Variants in PKN3 observed in about 807,000 individuals in gnomAD.
PKN3 encodes protein kinase N3, also known as serine/threonine-protein kinase N3.
Under a neutral mutation model 113.1 loss-of-function variants are expected in PKN3, and 91 were observed. The ratio of observed to expected loss-of-function variants is 0.80; its 90% confidence interval spans 0.68 to 0.96. PKN3 has a LOEUF of 0.96. Among genes scored for constraint, PKN3 ranks in the 40% least tolerant of loss-of-function variants. PKN3 has a pLI of 0.00. For missense variants in PKN3, 1,052 were observed against 1,202.2 expected (o/e 0.88, Z 1.85); for synonymous variants, 467 against 499.0 (o/e 0.94, Z 0.85).
chr9:128,718,034 CAAA>C (rs1183390774), intron 16 of PKN3, among the ~76,000 whole-genome samples: 1 of 123,916 alleles, frequency 8.1e-6, no homozygotes. Context: ...GACTCCGTCT[CAAA>C]AAAAAAAAAA....
intron 3 of PKN3, among the ~76,000 whole-genome samples, 197 bp from the exon 4 acceptor site, chr9:128,706,516 C>T (rs1177971726): frequency 1.3e-5 from 2 of 152,258 alleles, no homozygotes. Context: ...AATTTGACCC[C>T]AGCCCTTGTT....
chr9:128,706,119 G>A (rs1589476469), intron 3 of PKN3, among the ~76,000 whole-genome samples: 1 of 152,390 alleles, frequency 6.6e-6, no homozygotes, highest in East Asian at 1.9e-4. Context: ...CCAGCATGAT[G>A]TCCAGAACTG....
rs1862231321 is a variant in PKN3, at chr9:128,713,201, G to C, written c.982+3G>C. 1 of 1,607,934 alleles carries C rather than the reference G, an allele frequency of 6.2e-7. No homozygotes were observed. The highest frequency in any genetic ancestry group is 1.7e-5 in the Admixed American group (1 of 59,726). ...GCGTGGCCGAGGCGAGCTTGCCAGTGAGTAGGGAAGGAGCTTCAGGGGGAG... is the reference window on the plus strand; with the variant it reads ...GCGTGGCCGAGGCGAGCTTGCCAGTCAGTAGGGAAGGAGCTTCAGGGGGAG... On this transcript the variant is annotated splice_donor_region_variant and intron_variant, in intron 7 of 21. Transcript: ENST00000291906.
intron 6 of PKN3, among the ~76,000 whole-genome samples, chr9:128,709,253 T>C (rs1159018433): frequency 6.8e-6 from 1 of 146,580 alleles, no homozygotes; most frequent in Non-Finnish European, 1.5e-5. Context: ...ACCACTGCAC[T>C]CCAGCCTGGG....
chr9:128,714,306 T>G lies in PKN3; in HGVS notation c.1422T>G (p.Pro474=). The G allele has an allele frequency of 6.2e-7, 1 of 1,612,838 alleles. No homozygotes were observed. Among genetic ancestry groups the G allele is most frequent in the Non-Finnish European group, 8.5e-7 (1 of 1,179,450 alleles). The change falls in exon 11 of 22, where the codon CCT becomes CCG. Residue 474 remains proline (P), a synonymous_variant. Coordinates refer to ENST00000291906, the MANE Select transcript of PKN3 (RefSeq NM_013355.5). ...GCTCCCCGAGCACAATCAGCCCCCCTAAAGGATGCCCTCGGACCCCAACAA... is the reference window on the plus strand; with the variant it reads ...GCTCCCCGAGCACAATCAGCCCCCCGAAAGGATGCCCTCGGACCCCAACAA... ...PCSSPSTISP[P]KGCPRTPTTL...
intron 9 of PKN3, 68 bp from the exon 10 acceptor site, chr9:128,713,978 G>A (rs1862259099): frequency 2.0e-6 from 3 of 1,518,134 alleles, no homozygotes; most frequent in South Asian, 1.1e-5. Context: ...AATCCCAGGG[G>A]CAGAGGAGGT....
In PKN3 at chr9:128,706,991, C is replaced by G. The variant is rs768409176; in HGVS notation, c.619C>G (p.Arg207Gly). The change falls in exon 5 of 22, where the codon CGG becomes GGG. Residue 207 changes from arginine to glycine, a missense_variant. Physicochemically the swap from Arg to Gly is moderately radical, Grantham distance 125. This residue lies in a region of PKN3 where 719 missense variants were observed against 759.4 expected (regional missense o/e 0.95). Transcript: ENST00000291906. The stretch of plus-strand genomic sequence containing the variant: ...GAACGTGGTGAAACTGCTTAGTAGC[C>G]GGAGAACACAGGACCGCAAGGCACT... ...AKNVVKLLSSRRTQDRKALAE... is the reference protein window; with the variant it reads ...AKNVVKLLSSGRTQDRKALAE... The G allele has an allele frequency of 6.2e-7, 1 of 1,614,174 alleles. No individual in the cohort carries two copies.
chr9:128,704,682 G>A (rs960125544), intron 1 of PKN3, among the ~76,000 whole-genome samples: 4 of 152,138 alleles, frequency 2.6e-5, no homozygotes, highest in African/African-American at 7.2e-5. Context: ...CACTTTGGGA[G>A]GCCAAGGCAG....
At chr9:128,712,192 G>T (rs930702288) in intron 6 of PKN3, among the ~76,000 whole-genome samples, 4 of 152,194 alleles carry the variant, frequency 2.6e-5, no homozygotes, top group African/African-American at 9.7e-5. Flanking sequence ...TTACAGGCAT[G>T]AGCCACTGCG....
In PKN3 at chr9:128,705,519, C is replaced by A; in HGVS notation, c.241C>A (p.Pro81Thr). The A allele has an allele frequency of 6.4e-7, 1 of 1,557,124 alleles. No homozygotes were observed. The highest frequency in any genetic ancestry group is 2.4e-5 in the East Asian group (1 of 41,322). ...GGAGCTGCACGCCCGAATCCTGCTG[C>A]CCGGCCCTGGGCCTGGCCCAGCTGG... The part of the protein sequence containing the change: ...LRELHARILL[P>T]GPGPGPAEPV... The change falls in exon 2 of 22, where the codon CCC (proline) becomes ACC (threonine). Residue 81 changes from proline (P) to threonine (T), a missense_variant. Around this residue, in one of 2 missense-constraint regions of PKN3, gnomAD observed 719 missense variants for 759.4 expected, o/e 0.95. Coordinates refer to ENST00000291906, the MANE Select transcript of PKN3 (RefSeq NM_013355.5).
intron 11 of PKN3, 74 bp downstream of exon 11, chr9:128,714,439 G>A: frequency 7.6e-7 from 1 of 1,312,232 alleles, no homozygotes; most frequent in Non-Finnish European, 1.1e-6. Flanking sequence ...GGCGGTATCT[G>A]TCTGTCTGTC....
chr9:128,714,115 C>A lies in PKN3; in HGVS notation c.1306C>A (p.Arg436Ser), dbSNP rs201340158. Reference protein sequence around the residue: ...LQRQERIFSKRRGQDFLRASQ... With the variant: ...LQRQERIFSKSRGQDFLRASQ... ...GAGGCAGGAACGCATCTTCTCTAAA[C>A]GCAGAGGTGTGGAGGGAATGGGGGC... is the stretch of plus-strand genomic sequence containing the variant. Residue 436 changes from arginine to serine, a missense_variant, in exon 10 of 22, where the codon CGC (arginine) becomes AGC (serine). Around this residue, in one of 2 missense-constraint regions of PKN3, gnomAD observed 719 missense variants for 759.4 expected, o/e 0.95. Coordinates refer to ENST00000291906, the MANE Select transcript of PKN3 (RefSeq NM_013355.5). 6.2e-6 allele frequency: 10 copies of A among 1,613,978 alleles called. No individual in the cohort carries two copies. The highest frequency in any genetic ancestry group is 8.5e-6 in the Non-Finnish European group (10 of 1,179,994).
intron 18 of PKN3, among the ~76,000 whole-genome samples, chr9:128,719,337 A>C (rs576464776): frequency 3.1e-3 from 460 of 150,658 alleles, no homozygotes; most frequent in African/African-American, 0.01. Context: ...TTACAGGCAC[A>C]TGCCACCACA....
intron 15 of PKN3, among the ~76,000 whole-genome samples, chr9:128,716,485 C>T (rs143504913): frequency 1.2e-4 from 18 of 151,940 alleles, no homozygotes; most frequent in African/African-American, 3.6e-4. Context: ...ATAATCCCAG[C>T]TACTCGGGAG....
At chr9:128,716,650 G>C (rs928448735) in intron 15 of PKN3, 97 bp from the exon 16 acceptor site, 9 of 904,400 alleles carry the variant, frequency 1.0e-5, no homozygotes, top group Non-Finnish European at 1.6e-5. Flanking sequence ...CTGGCACTTT[G>C]GCTGAGGGCC....
Position 128,707,350 on chromosome 9 carries a change from G to C in PKN3, c.780G>C (p.Ala260=). 1 of 1,613,536 alleles carries C rather than the reference G, an allele frequency of 6.2e-7. No homozygotes were observed. Among genetic ancestry groups the C allele is most frequent in the East Asian group, 2.2e-5 (1 of 44,870 alleles). Residue 260 remains alanine, a synonymous_variant, in exon 6 of 22, where the codon GCG becomes GCC. Coordinates refer to ENST00000291906, the MANE Select transcript of PKN3 (RefSeq NM_013355.5). ...RSRVTRELRA[A]VPGYPQPSGT... ...GAGTGACCCGAGAGTTGCGGGCTGC[G>C]GTGCCTGGATACCCCCAGCCTTCAG...
Position 128,707,225 on chromosome 9 carries a change from C to T in PKN3, c.655C>T (p.Gln219Ter), listed in dbSNP as rs924199144. 6.2e-7 allele frequency: 1 copy of T among 1,604,520 alleles called. No individual in the cohort carries two copies. The highest frequency in any genetic ancestry group is 2.2e-5 in the East Asian group (1 of 44,608). The change falls in exon 6 of 22, where the codon CAG (glutamine) becomes TAG (stop). Residue 219 changes from glutamine (Q) to a stop codon, truncating the protein, a stop_gained. Coordinates refer to ENST00000291906, the MANE Select transcript of PKN3 (RefSeq NM_013355.5). LOFTEE classifies it high-confidence loss of function. ...TQDRKALAEA[Q>*]AQLQESSQKL... The stretch of plus-strand genomic sequence containing the variant: ...CTCTACGTTGTCCCCTCTGCAGGCC[C>T]AGGCCCAGCTACAGGAGTCCTCTCA...
intron 8 of PKN3, 21 bp downstream of exon 8, chr9:128,713,408 G>C (rs774051568): frequency 1.2e-6 from 2 of 1,613,158 alleles, no homozygotes; most frequent in Non-Finnish European, 1.7e-6. Flanking sequence ...CCTTTGTGTG[G>C]TCAGGGGTGA....
At chr9:128,703,434 G>A (rs1464623527) in intron 1 of PKN3, 1 of 985,320 alleles carries the variant, frequency 1.0e-6, no homozygotes, top group Non-Finnish European at 1.2e-6. Context: ...GATGAGAGGG[G>A]AGCGGCCTCC....
Sources: allele counts gnomAD v4.1 joint callset (sites outside exome capture counted in the v4.1 genomes callset), GRCh38; gene constraint gnomAD v4.1.1; regional missense constraint gnomAD v4.1.1; transcripts MANE v1.5; gene names NCBI Gene and HGNC (gene_info 2026-07-23, HGNC 2026-07-21).